Variants in RNF216 observed in about 807,000 individuals in gnomAD.
The protein encoded by RNF216 is ring finger protein 216.
RNF216 carries 72 observed loss-of-function variants against 110.8 expected under a neutral mutation model. The ratio of observed to expected loss-of-function variants is 0.65; its 90% CI spans 0.54 to 0.79. The LOEUF (loss-of-function observed/expected upper bound fraction) is 0.79. Among genes scored for constraint, RNF216 ranks in the 30% least tolerant of loss-of-function variants. The pLI is 0.00. For synonymous variants in RNF216, 495 were observed against 407.5 expected (o/e 1.21, Z -2.59); for missense variants, 1,342 against 1,141.2 (o/e 1.18, Z -2.54).
chr7:5,721,149 T>A lies in RNF216; in HGVS notation c.1528A>T (p.Met510Leu), dbSNP rs1793399467. The change falls in exon 9 of 17, where the codon ATG (methionine) becomes TTG (leucine). Residue 510 changes from methionine (M) to leucine (L), a missense_variant. By Grantham distance (15) the Met-to-Leu change is conservative. Transcript: ENST00000389902. ...CGTCGCTTATTTTCAAGAAAGAACA[T>A]CCTCTTTTCTATTTTTATGTCACCT... The part of the protein sequence containing the change: ...EQGDIKIEKR[M>L]FFLENKRRHC... 1.2e-6 allele frequency: 2 copies of A among 1,613,748 alleles called. No individual in the cohort carries two copies. The highest frequency in any genetic ancestry group is 1.7e-6 in the Non-Finnish European group (2 of 1,179,744).
chr7:5,672,138 T>A (rs974734943), intron 13 of RNF216, among the ~76,000 whole-genome samples: 1 of 152,218 alleles, frequency 6.6e-6, no homozygotes, highest in African/African-American at 2.4e-5. Context: ...ATCTTCTTCA[T>A]ACATGTTGGA....
intron 9 of RNF216, among the ~76,000 whole-genome samples, chr7:5,718,368 G>A (rs771083367): frequency 1.3e-4 from 20 of 152,096 alleles, no homozygotes; most frequent in Non-Finnish European, 1.9e-4. Context: ...GTGACAAAGC[G>A]AGACTCCGTC....
In RNF216 at chr7:5,659,401, AG is replaced by A. The variant is rs376151728; in HGVS notation, c.2062-6892del. Among the ~76,000 whole-genome samples, 556 of 152,266 alleles carry A rather than the reference AG, an allele frequency of 3.7e-3. 1 individual carries two copies. Among genetic ancestry groups the A allele is most frequent in the African/African-American group, 0.012 (488 of 41,550 alleles). On this transcript the variant is annotated intron_variant, in intron 13 of 16. Transcript: ENST00000389902. ...AGGAGTCGGCCAGGTATGGGTACAGAGGGAAGAGCAAGGGTGAAGGCTTCAG... is the reference window on the plus strand; with the variant it reads ...AGGAGTCGGCCAGGTATGGGTACAGAGGAAGAGCAAGGGTGAAGGCTTCAG...
At chr7:5,751,100 T>C (rs1795305772) in intron 3 of RNF216, among the ~76,000 whole-genome samples, 1 of 152,230 alleles carries the variant, frequency 6.6e-6, no homozygotes, top group African/African-American at 2.4e-5. Flanking sequence ...GGCAGTCTCC[T>C]TGGTGTGCTG....
chr7:5,729,311 C>G, intron 7 of RNF216, 121 bp downstream of exon 7: 1 of 892,776 alleles, frequency 1.1e-6, no homozygotes, highest in Non-Finnish European at 1.8e-6. Flanking sequence ...TATCTTCACC[C>G]TAATAAATTC....
rs367746074 is a variant in RNF216, at chr7:5,741,154, G to C, written c.863C>G (p.Ser288Cys). The C allele has an allele frequency of 1.2e-6, 2 of 1,614,154 alleles. No homozygotes were observed. The highest frequency in any genetic ancestry group is 8.5e-7 in the Non-Finnish European group (1 of 1,180,034). ...TAGAGGATGGGCAGGCTGAGGAGAA[G>C]AGGGGCCTGAAATCCCACCTTGCTG... ...EPQQGGISGP[S>C]SPQPAHPLGE... The change falls in exon 4 of 17, where the codon TCT becomes TGT. Residue 288 changes from serine to cysteine, a missense_variant. Coordinates refer to ENST00000389902, the MANE Select transcript of RNF216 (RefSeq NM_207111.4).
chr7:5,650,333 G>A (rs573359882), intron 14 of RNF216, among the ~76,000 whole-genome samples: 6 of 152,288 alleles, frequency 3.9e-5, no homozygotes, highest in Admixed American at 3.3e-4. Context: ...GCTATGTGTG[G>A]CAGACCAAGA....
intron 9 of RNF216, among the ~76,000 whole-genome samples, chr7:5,719,874 G>C (rs1185301475): frequency 2.6e-5 from 4 of 152,110 alleles, no homozygotes; most frequent in African/African-American, 9.7e-5. Context: ...CTCATACCTG[G>C]ATATAAGACA....
At chr7:5,653,936 G>A (rs140349028) in intron 13 of RNF216, among the ~76,000 whole-genome samples, 10 of 152,352 alleles carry the variant, frequency 6.6e-5, no homozygotes, top group South Asian at 4.1e-4. Flanking sequence ...AGGCCTGCAC[G>A]CACCAGACCA....
At chr7:5,725,942 A>ACTT (rs1257502214) in intron 7 of RNF216, among the ~76,000 whole-genome samples, 1 of 152,094 alleles carries the variant, frequency 6.6e-6, no homozygotes, top group African/African-American at 2.4e-5. Context: ...CGGTGGTGGA[A>ACTT]GCAAAACACT....
In RNF216 at chr7:5,696,246, A is replaced by G. The variant is rs570008486; in HGVS notation, c.2061+15515T>C. 9.8e-5 allele frequency among the ~76,000 whole-genome samples: 15 copies of G among 152,374 alleles called. No homozygotes were observed. The South Asian group carries it at 3.1e-3, about 32-fold the overall frequency. On this transcript the variant is annotated intron_variant, in intron 13 of 16. Transcript: ENST00000389902. This position sits in a 1 kb window ranked among gnomAD's most constrained non-coding sequence, Gnocchi z 5.4. ...CCCATGGAAAAAAAGCAGGGCTCTC[A>G]GCAGCTGGGAAAACATGTTGCAAAA... is the stretch of plus-strand genomic sequence containing the variant.
intron 1 of RNF216, among the ~76,000 whole-genome samples, chr7:5,781,041 G>C (rs980624880): frequency 5.3e-5 from 8 of 152,300 alleles, no homozygotes; most frequent in African/African-American, 1.7e-4. Flanking sequence ...CGCGAGTGCC[G>C]GGTGACAGTC....
intron 13 of RNF216, among the ~76,000 whole-genome samples, chr7:5,681,072 G>A (rs1790622117): frequency 6.6e-6 from 1 of 152,110 alleles, no homozygotes; most frequent in Non-Finnish European, 1.5e-5. Flanking sequence ...TGGGGTCTCA[G>A]CTCCTGTGTT....
chr7:5,656,087 G>A (rs1210106526), intron 13 of RNF216, among the ~76,000 whole-genome samples: 1 of 152,102 alleles, frequency 6.6e-6, no homozygotes, highest in Non-Finnish European at 1.5e-5. Flanking sequence ...TGGGCAACAT[G>A]GTCAAACCCC....
intron 4 of RNF216, 87 bp downstream of exon 4, chr7:5,740,886 A>G (rs1794713894): frequency 7.3e-7 from 1 of 1,364,694 alleles, no homozygotes; most frequent in Non-Finnish European, 9.8e-7. Flanking sequence ...ACGCATACCA[A>G]CAACTTTTTT....
At position 5,701,934 on chromosome 7, in the gene RNF216, T is replaced by C. The variant is rs1791995269; in HGVS notation, c.2061+9827A>G. Among the ~76,000 whole-genome samples the C allele has an allele frequency of 2.0e-5, 3 of 152,192 alleles. No individual in the cohort carries two copies. In the South Asian group the frequency reaches 6.2e-4, roughly 32 times the overall value. On this transcript the variant is annotated intron_variant, in intron 13 of 16. Transcript: ENST00000389902. ...AACAGGAGGTTCGTGACTGGTCTCC[T>C]GAGAAGGTGGAAACACTAACCCAGG...
chr7:5,624,447 G>A lies in RNF216; in HGVS notation c.2383-322C>T, dbSNP rs1431294386. On this transcript the variant is annotated intron_variant, in intron 15 of 16. Transcript: ENST00000389902. The surrounding 1 kb of genome is among the most constrained non-coding windows in gnomAD (Gnocchi z 4.4). ...GCGTGCAAGTGGTGGATATGAGAAG[G>A]GTTTGGAGAGGGCTGGGTCTGAGTG... Among the ~76,000 whole-genome samples the A allele has an allele frequency of 6.6e-6, 1 of 152,226 alleles. No individual in the cohort carries two copies. The highest frequency in any genetic ancestry group is 1.5e-5 in the Non-Finnish European group (1 of 68,040).
At chr7:5,718,152 G>T (rs909507197) in intron 9 of RNF216, among the ~76,000 whole-genome samples, 1 of 152,216 alleles carries the variant, frequency 6.6e-6, no homozygotes, top group Non-Finnish European at 1.5e-5. Flanking sequence ...AGGCCAAGGT[G>T]GGGGGATTGC....
intron 13 of RNF216, among the ~76,000 whole-genome samples, chr7:5,670,977 T>C (rs1310826884): frequency 6.6e-6 from 1 of 152,180 alleles, no homozygotes; most frequent in Admixed American, 6.5e-5. Flanking sequence ...TGTGAACTGC[T>C]TGGTTCCGGG....
Sources: gnomAD v4.1 joint callset for allele counts (sites outside exome capture counted in the v4.1 genomes callset) on GRCh38, gnomAD v4.1.1 for gene constraint, Gnocchi (gnomAD v3.1) non-coding constraint, MANE v1.5 for transcripts, NCBI Gene and HGNC (gene_info 2026-07-23, HGNC 2026-07-21) for gene names.